RBFOX1: variants seen among roughly 807,000 people sequenced by gnomAD.
The protein encoded by RBFOX1 is RNA binding protein fox-1 homolog 1.
In RBFOX1, 8 loss-of-function variants were observed where a neutral mutation model predicts 57.7. The observed-to-expected ratio is 0.14, with a 90% confidence interval of 0.08 to 0.25. RBFOX1 has a LOEUF of 0.25. Ranked by LOEUF, RBFOX1 falls within the 10% of genes least tolerant of loss-of-function variation. The pLI, the probability that RBFOX1 is intolerant of heterozygous loss-of-function variation, is 1.00. For synonymous variants in RBFOX1, 326 were observed against 222.4 expected, an observed-to-expected ratio of 1.47 and a Z score of -4.15; for missense variants, 611 against 548.5, an observed-to-expected ratio of 1.11 and a Z score of -1.14.
At chr16:5,382,877 C>T (rs775839253) in intron 1 of RBFOX1, among the ~76,000 whole-genome samples, 2 of 152,150 alleles carry the variant, frequency 1.3e-5, no homozygotes, top group African/African-American at 2.4e-5. Flanking sequence ...GTAGGAAAAT[C>T]CAAAGCTTAA....
chr16:5,620,446 G>C (rs973828390), intron 3 of RBFOX1, among the ~76,000 whole-genome samples: 7 of 152,178 alleles, frequency 4.6e-5, no homozygotes, highest in African/African-American at 1.7e-4. Flanking sequence ...AGATCACCCA[G>C]ACTGATCGCT....
intron 2 of RBFOX1, among the ~76,000 whole-genome samples, chr16:5,575,939 C>T (rs1381304123): frequency 1.3e-5 from 2 of 151,530 alleles, no homozygotes; most frequent in Non-Finnish European, 2.9e-5. Flanking sequence ...AAGACATCTG[C>T]TTCTTTGGCT....
chr16:6,777,655 C>T (rs76546613), intron 3 of RBFOX1, among the ~76,000 whole-genome samples: 1 of 152,022 alleles, frequency 6.6e-6, no homozygotes, highest in Non-Finnish European at 1.5e-5. Flanking sequence ...AGTTTCTTAG[C>T]CTGACAGTTT....
At chr16:6,450,837 G>GTATA (rs1555480732) in intron 2 of RBFOX1, among the ~76,000 whole-genome samples, 3 of 21,732 alleles carry the variant, frequency 1.4e-4, no homozygotes, top group African/African-American at 1.8e-4. Context: ...ATATATATAT[G>GTATA]TGTATATATA....
At chr16:7,083,896 A>G (rs1319712733) in intron 4 of RBFOX1, among the ~76,000 whole-genome samples, 1 of 152,066 alleles carries the variant, frequency 6.6e-6, no homozygotes, top group African/African-American at 2.4e-5. Context: ...TGGTGAAGCT[A>G]GGAACCCTAT....
At chr16:6,991,212 A>C (rs1312464825) in intron 3 of RBFOX1, among the ~76,000 whole-genome samples, 1 of 151,280 alleles carries the variant, frequency 6.6e-6, no homozygotes, top group Non-Finnish European at 1.5e-5. Context: ...AGGCAGGAGA[A>C]TTACTTGAGC....
chr16:7,019,734 A>C (rs1157537346), intron 3 of RBFOX1, among the ~76,000 whole-genome samples: 2 of 152,220 alleles, frequency 1.3e-5, no homozygotes, highest in Non-Finnish European at 2.9e-5. Flanking sequence ...GCTTGGTTTC[A>C]AACACTGCAT....
chr16:5,549,164 G>C (rs1248243072), intron 2 of RBFOX1, among the ~76,000 whole-genome samples: 3 of 152,178 alleles, frequency 2.0e-5, no homozygotes, highest in Non-Finnish European at 4.4e-5. Flanking sequence ...ATTGCAGATG[G>C]TTGTTCCTGA....
At chr16:7,137,482 C>A (rs1206696646) in intron 4 of RBFOX1, among the ~76,000 whole-genome samples, 2 of 152,172 alleles carry the variant, frequency 1.3e-5, no homozygotes, top group African/African-American at 4.8e-5. Context: ...CTCTCTCTTG[C>A]CCGCTGCCAA....
At chr16:7,387,663 C>G (rs74378611) in intron 4 of RBFOX1, among the ~76,000 whole-genome samples, 1,955 of 152,178 alleles carry the variant, frequency 0.013, 21 homozygotes, top group Non-Finnish European at 0.022. Context: ...ACTGGAAGGT[C>G]TTTGGCTCAG....
chr16:6,557,754 G>A (rs1034919215), intron 2 of RBFOX1, among the ~76,000 whole-genome samples: 2 of 152,178 alleles, frequency 1.3e-5, no homozygotes, highest in Non-Finnish European at 2.9e-5. Flanking sequence ...TTGATTTGCT[G>A]TGAAAAATTT....
At chr16:6,267,937 C>T (rs190010666) in intron 1 of RBFOX1, among the ~76,000 whole-genome samples, 3 of 152,138 alleles carry the variant, frequency 2.0e-5, no homozygotes, top group Non-Finnish European at 1.5e-5. Flanking sequence ...TAAAATTTGA[C>T]CTTTTCCCTG....
intron 2 of RBFOX1, among the ~76,000 whole-genome samples, chr16:5,558,049 C>G (rs1030328383): frequency 2.6e-5 from 4 of 152,276 alleles, no homozygotes; most frequent in African/African-American, 9.6e-5. Flanking sequence ...CCTTCCCACT[C>G]TATCCCCCGC....
At chr16:6,202,631 C>T (rs760368276) in intron 1 of RBFOX1, among the ~76,000 whole-genome samples, 1 of 152,034 alleles carries the variant, frequency 6.6e-6, no homozygotes, top group African/African-American at 2.4e-5. Context: ...TATTAAAAAG[C>T]TGTAGATGTT....
intron 1 of RBFOX1, among the ~76,000 whole-genome samples, chr16:5,417,765 C>CTA (rs1191956421): frequency 6.6e-6 from 1 of 152,106 alleles, no homozygotes; most frequent in African/African-American, 2.4e-5. Context: ...TCTTCACAGA[C>CTA]TATTGGGTGT....
chr16:5,297,912 T>C, intron 1 of RBFOX1, among the ~76,000 whole-genome samples: 1 of 152,252 alleles, frequency 6.6e-6, no homozygotes, highest in Non-Finnish European at 1.5e-5. Context: ...TAGGTATTAA[T>C]GTCTTTAACA....
At chr16:6,618,581 G>C (rs925891086) in intron 2 of RBFOX1, among the ~76,000 whole-genome samples, 1 of 152,150 alleles carries the variant, frequency 6.6e-6, no homozygotes, top group Non-Finnish European at 1.5e-5. Flanking sequence ...TACTCGTTTC[G>C]AGGAGGAGAG....
At chr16:5,596,890 C>A (rs1167011967) in intron 2 of RBFOX1, among the ~76,000 whole-genome samples, 1 of 138,334 alleles carries the variant, frequency 7.2e-6, no homozygotes, top group Admixed American at 7.1e-5. Context: ...TTTATTTGTT[C>A]ACTTCAATAA....
chr16:6,568,459 A>G (rs2097298243), intron 2 of RBFOX1, among the ~76,000 whole-genome samples: 1 of 152,154 alleles, frequency 6.6e-6, no homozygotes, highest in African/African-American at 2.4e-5. Context: ...GAAAGAAGGG[A>G]GAGATGCTAA....
Sources: gnomAD v4.1 joint callset for allele counts (sites outside exome capture counted in the v4.1 genomes callset) on GRCh38, gnomAD v4.1.1 for gene constraint, MANE v1.5 for transcripts, NCBI Gene and HGNC (gene_info 2026-07-23, HGNC 2026-07-21) for gene names.